MEIS1: variants seen among roughly 807,000 people sequenced by gnomAD.
MEIS1 encodes the protein homeobox protein Meis1.
A neutral mutation model predicts 50.8 loss-of-function variants in MEIS1; 5 were observed. The observed-to-expected ratio is 0.10, with a 90% confidence interval of 0.05 to 0.21. The LOEUF (loss-of-function observed/expected upper bound fraction) is 0.21, where lower values mean the gene tolerates loss of function less well. Among genes scored for constraint, MEIS1 ranks in the 10% least tolerant of loss-of-function variants. The pLI is 1.00. For missense variants in MEIS1, 318 were observed against 517.3 expected, an observed-to-expected ratio of 0.61 and a Z score of 3.74; for synonymous variants, 176 against 179.3, an observed-to-expected ratio of 0.98 and a Z score of 0.15.
intron 7 of MEIS1, among the ~76,000 whole-genome samples, chr2:66,502,234 T>G (rs930049768): frequency 3.3e-5 from 5 of 152,160 alleles, no homozygotes; most frequent in African/African-American, 1.2e-4. Context: ...ACACATGGCT[T>G]CCCAAATATA....
chr2:66,535,711 G>A (rs1674502052), intron 8 of MEIS1, among the ~76,000 whole-genome samples: 2 of 152,114 alleles, frequency 1.3e-5, no homozygotes, highest in Admixed American at 1.3e-4. Context: ...TTCGGGAGTT[G>A]GAAAGGGTTT....
At chr2:66,453,326 G>T (rs887517763) in intron 6 of MEIS1, among the ~76,000 whole-genome samples, 2 of 151,840 alleles carry the variant, frequency 1.3e-5, no homozygotes, top group African/African-American at 4.8e-5. Context: ...TAATAGCCTT[G>T]GGTATGGCTG....
chr2:66,519,015 A>T (rs1195949231), intron 8 of MEIS1, among the ~76,000 whole-genome samples: 1 of 152,190 alleles, frequency 6.6e-6, no homozygotes, highest in African/African-American at 2.4e-5. Context: ...GTGTGAGTAT[A>T]ACTATCTGCT....
intron 9 of MEIS1, among the ~76,000 whole-genome samples, chr2:66,562,396 A>G (rs973942256): frequency 8.7e-5 from 12 of 138,378 alleles, no homozygotes; most frequent in Admixed American, 1.5e-4. Context: ...AGTCCAGTGG[A>G]AAAAAAAAAA....
Position 66,482,404 on chromosome 2 carries a change from C to T in MEIS1, c.742+18184C>T, listed in dbSNP as rs191381784. Among the ~76,000 whole-genome samples the T allele has an allele frequency of 4.6e-5, 7 of 152,210 alleles. No individual in the cohort carries two copies. In the East Asian group the frequency reaches 1.4e-3, roughly 29 times the overall value. On this transcript the variant is annotated intron_variant, in intron 7 of 12. Coordinates refer to ENST00000272369, the MANE Select transcript of MEIS1 (RefSeq NM_002398.3). Reference sequence around the variant, plus strand: ...GGTGTGAGTGAGAAAACAACAGGACCTAAGTCAGTCAGGTTTCTCAATTGC... The same window carrying T: ...GGTGTGAGTGAGAAAACAACAGGACTTAAGTCAGTCAGGTTTCTCAATTGC...
chr2:66,471,984 C>G (rs891997286), intron 7 of MEIS1, among the ~76,000 whole-genome samples: 1 of 152,084 alleles, frequency 6.6e-6, no homozygotes, highest in Admixed American at 6.6e-5. Flanking sequence ...CTTTAAAAAC[C>G]CAGGTCTTAA....
At chr2:66,530,196 C>CAAAAA (rs5831814) in intron 8 of MEIS1, among the ~76,000 whole-genome samples, 1 of 122,774 alleles carries the variant, frequency 8.1e-6, no homozygotes. Flanking sequence ...GTAGGCAAAG[C>CAAAAA]AAAAAAAAAA....
intron 9 of MEIS1, among the ~76,000 whole-genome samples, chr2:66,567,129 T>G (rs143074296): frequency 3.6e-4 from 55 of 152,314 alleles, no homozygotes; most frequent in African/African-American, 1.3e-3. Context: ...TTTCTCTCTT[T>G]GCAAATGAAA....
chr2:66,569,775 C>G (rs1418657226), intron 12 of MEIS1: 1 of 152,632 alleles, frequency 6.6e-6, no homozygotes, highest in Non-Finnish European at 1.5e-5. Flanking sequence ...TTAGCCCAGG[C>G]TAATTGACTA....
intron 7 of MEIS1, among the ~76,000 whole-genome samples, chr2:66,468,114 G>T (rs1343310493): frequency 6.6e-6 from 1 of 152,162 alleles, no homozygotes; most frequent in African/African-American, 2.4e-5. Flanking sequence ...TTAGGATGGG[G>T]TGTCTGTTTC....
Position 66,569,021 on chromosome 2 carries a change from C to T in MEIS1, c.1115-29C>T, listed in dbSNP as rs1250924547. 2.5e-6 allele frequency: 4 copies of T among 1,603,438 alleles called. No individual in the cohort carries two copies. The African/African-American group carries it at 4.0e-5, about 16-fold the overall frequency. On this transcript the variant is annotated intron_variant, in intron 11 of 12. Coordinates refer to ENST00000272369, the MANE Select transcript of MEIS1 (RefSeq NM_002398.3). ...CTGTTGACTTTGCTCATTTTCTGGCCTCTTCTTGGATTTTTATCTCCCTTC... is the reference window on the plus strand; with the variant it reads ...CTGTTGACTTTGCTCATTTTCTGGCTTCTTCTTGGATTTTTATCTCCCTTC...
At chr2:66,567,075 G>C (rs1044030630) in intron 9 of MEIS1, among the ~76,000 whole-genome samples, 4 of 152,198 alleles carry the variant, frequency 2.6e-5, no homozygotes, top group Admixed American at 2.0e-4. Context: ...CTAATTAGGA[G>C]AGGTAACAGA....
chr2:66,530,830 T>G (rs955397852), intron 8 of MEIS1, among the ~76,000 whole-genome samples: 6 of 152,240 alleles, frequency 3.9e-5, no homozygotes, highest in Non-Finnish European at 4.4e-5. Context: ...AGGTTTTATC[T>G]CAGCTTTGGA....
At chr2:66,452,526 C>T (rs574056391) in intron 6 of MEIS1, among the ~76,000 whole-genome samples, 1 of 151,968 alleles carries the variant, frequency 6.6e-6, no homozygotes, top group South Asian at 2.1e-4. Context: ...GCTCCAGATG[C>T]AAATGTAGTT....
At position 66,572,927 on chromosome 2, in the gene MEIS1, TAATG is replaced by T. The variant is rs1675511503; in HGVS notation, c.*1722_*1725del. 1 of 152,222 alleles carries T rather than the reference TAATG, an allele frequency of 6.6e-6. No homozygotes were observed. Among genetic ancestry groups the T allele is most frequent in the Non-Finnish European group, 1.5e-5 (1 of 68,032 alleles). The allele number at this position is 152,222 out of a possible 1,614,324, so 9.4% of individuals were successfully genotyped here. On this transcript the variant is annotated 3_prime_UTR_variant, in exon 13 of 13. Coordinates refer to ENST00000272369, the MANE Select transcript of MEIS1 (RefSeq NM_002398.3). Reference sequence around the variant, plus strand: ...AACCACTGATTTCTTTAAGCTGACTTAATGAACTCCTAATATCAGCAAATTTGAG... The same window carrying T: ...AACCACTGATTTCTTTAAGCTGACTTAACTCCTAATATCAGCAAATTTGAG...
chr2:66,501,475 G>T (rs1302352125), intron 7 of MEIS1, among the ~76,000 whole-genome samples: 2 of 151,494 alleles, frequency 1.3e-5, no homozygotes, highest in African/African-American at 4.8e-5. Flanking sequence ...CTGAATAGAT[G>T]AAAAATGAGT....
chr2:66,443,194 T>C, intron 6 of MEIS1, 146 bp downstream of exon 6: 1 of 920,320 alleles, frequency 1.1e-6, no homozygotes. Context: ...AATTTTTGAA[T>C]AATGTGGCTA....
intron 9 of MEIS1, among the ~76,000 whole-genome samples, chr2:66,558,515 T>A (rs188876478): frequency 7.2e-5 from 11 of 152,226 alleles, no homozygotes; most frequent in African/African-American, 2.6e-4. Flanking sequence ...TTTAAAGGTC[T>A]ACAGGTTACA....
chr2:66,451,116 G>T (rs1672267336), intron 6 of MEIS1, among the ~76,000 whole-genome samples: 1 of 152,062 alleles, frequency 6.6e-6, no homozygotes, highest in African/African-American at 2.4e-5. Context: ...TTCCCAACCT[G>T]TGCTTTACAA....
Sources: gnomAD v4.1 joint callset for allele counts (sites outside exome capture counted in the v4.1 genomes callset) on GRCh38, gnomAD v4.1.1 for gene constraint, MANE v1.5 for transcripts, NCBI Gene and HGNC (gene_info 2026-07-23, HGNC 2026-07-21) for gene names.